CLVS1: variants seen among roughly 807,000 people sequenced by gnomAD.
CLVS1 encodes the protein clavesin 1, also known as clavesin-1.
A neutral mutation model predicts 33.1 loss-of-function variants in CLVS1; 10 were observed. The observed-to-expected ratio is 0.30, with a 90% CI of 0.19 to 0.51. The LOEUF (loss-of-function observed/expected upper bound fraction) is 0.51, where lower values mean the gene tolerates loss of function less well. CLVS1 is among the 20% of genes least tolerant of loss of function. CLVS1 has a pLI of 0.97. For synonymous variants in CLVS1, 163 were observed against 166.1 expected (o/e 0.98, Z 0.14); for missense variants, 343 against 433.4 (o/e 0.79, Z 1.85).
At chr8:61,161,343 T>C (rs936901716) in intron 2 of CLVS1, among the ~76,000 whole-genome samples, 1 of 152,202 alleles carries the variant, frequency 6.6e-6, no homozygotes, top group African/African-American at 2.4e-5. Context: ...GAAATCAGTA[T>C]GTAAAGAGAC....
At chr8:61,290,458 T>C (rs1352069091) in intron 1 of CLVS1, among the ~76,000 whole-genome samples, 4 of 152,232 alleles carry the variant, frequency 2.6e-5, no homozygotes, top group Admixed American at 6.5e-5. Flanking sequence ...TGTCATCATA[T>C]ATTTTTGTAG....
At chr8:61,004,613 G>A in the CLVS1 span, among the ~76,000 whole-genome samples, 1 of 152,198 alleles carries the variant, frequency 6.6e-6, no homozygotes, top group African/African-American at 2.4e-5. Flanking sequence ...TCTGCAGAAG[G>A]GCAGGCTCAG....
chr8:61,090,612 T>C (rs1448914377), intron 1 of CLVS1, among the ~76,000 whole-genome samples: 1 of 152,084 alleles, frequency 6.6e-6, no homozygotes, highest in African/African-American at 2.4e-5. Flanking sequence ...TGCAATGGAG[T>C]TTGCCTGGTT....
chr8:61,104,802 C>G (rs1214521975), intron 1 of CLVS1, among the ~76,000 whole-genome samples: 1 of 152,130 alleles, frequency 6.6e-6, no homozygotes, highest in Non-Finnish European at 1.5e-5. Flanking sequence ...CACTGTGTAC[C>G]ACTGTGCTGG....
Position 61,431,513 on chromosome 8 carries a change from T to C in CLVS1, c.631-22628T>C, listed in dbSNP as rs73685017. Among the ~76,000 whole-genome samples the C allele has an allele frequency of 7.6e-3, 1,162 of 152,334 alleles. 18 individuals are homozygous for C. The highest frequency in any genetic ancestry group is 0.027 in the African/African-American group (1,117 of 41,586). On this transcript the variant is annotated intron_variant, in intron 3 of 5. Transcript: ENST00000325897. The stretch of plus-strand genomic sequence containing the variant: ...ATGGCGGCATGGCTGACTGACCACA[T>C]AGCTACCTGCTACCTAGCCAGCTTT...
intron 5 of CLVS1, among the ~76,000 whole-genome samples, chr8:61,477,362 T>A (rs1156330839): frequency 6.6e-6 from 1 of 152,222 alleles, no homozygotes; most frequent in African/African-American, 2.4e-5. Context: ...TGGAATAGTT[T>A]CAGAAGGAAT....
chr8:60,984,350 C>G, the CLVS1 span, among the ~76,000 whole-genome samples: 1 of 149,442 alleles, frequency 6.7e-6, no homozygotes, highest in Non-Finnish European at 1.5e-5. Context: ...GACAGAATTC[C>G]GCTTTTGTCA....
intron 1 of CLVS1, among the ~76,000 whole-genome samples, chr8:61,291,319 A>G (rs1809982802): frequency 6.6e-6 from 1 of 152,158 alleles, no homozygotes. Flanking sequence ...ATTTCTCCAC[A>G]TGTGTTTGAG....
At chr8:61,371,701 A>C (rs1238697944) in intron 2 of CLVS1, among the ~76,000 whole-genome samples, 8 of 152,206 alleles carry the variant, frequency 5.3e-5, no homozygotes, top group Admixed American at 5.2e-4. Context: ...ATACTTTCTC[A>C]TTGGTAAGAA....
intron 3 of CLVS1, among the ~76,000 whole-genome samples, chr8:61,444,177 G>A (rs994741270): frequency 4.6e-5 from 7 of 152,022 alleles, no homozygotes; most frequent in African/African-American, 9.7e-5. Context: ...TCTGCAAATC[G>A]AGACAGCTAT....
intron 2 of CLVS1, among the ~76,000 whole-genome samples, chr8:61,274,316 G>T (rs535858507): frequency 6.6e-6 from 1 of 152,026 alleles, no homozygotes; most frequent in East Asian, 1.9e-4. Flanking sequence ...ATATTTCTTT[G>T]ACTTTTTATA....
intron 3 of CLVS1, among the ~76,000 whole-genome samples, chr8:61,440,121 T>G (rs1816484267): frequency 6.6e-6 from 1 of 152,224 alleles, no homozygotes; most frequent in African/African-American, 2.4e-5. Flanking sequence ...TCTCTCTCAC[T>G]AGTAGATGAA....
At chr8:61,046,363 C>T in the CLVS1 span, among the ~76,000 whole-genome samples, 1 of 144,826 alleles carries the variant, frequency 6.9e-6, no homozygotes, top group African/African-American at 2.7e-5. Context: ...TGTTTTGGTA[C>T]CAGTACCATG....
chr8:61,234,892 G>A (rs1031607768), intron 2 of CLVS1, among the ~76,000 whole-genome samples: 3 of 152,130 alleles, frequency 2.0e-5, no homozygotes, highest in African/African-American at 7.2e-5. Context: ...GGACAGAATG[G>A]CTGCTATGGT....
chr8:61,341,767 C>T (rs1812037757), intron 2 of CLVS1, among the ~76,000 whole-genome samples: 1 of 152,162 alleles, frequency 6.6e-6, no homozygotes, highest in Non-Finnish European at 1.5e-5. Context: ...CAGGGTTGTA[C>T]TAACAGATTG....
Position 61,231,699 on chromosome 8 carries a change from A to G in CLVS1, c.-151-67978A>G, listed in dbSNP as rs1331940783. Reference sequence around the variant, plus strand: ...ACCTGGAAACTTGCCGGAAATACGAATCCTCAGGCCCTGTCCCAGACAACA... The same window carrying G: ...ACCTGGAAACTTGCCGGAAATACGAGTCCTCAGGCCCTGTCCCAGACAACA... On this transcript the variant is annotated intron_variant, in intron 2 of 2. Transcript: ENST00000522621. Among the ~76,000 whole-genome samples, 3 of 152,238 alleles carry G rather than the reference A, an allele frequency of 2.0e-5. 1 individual carries two copies. Among genetic ancestry groups the G allele is most frequent in the Non-Finnish European group, 4.4e-5 (3 of 68,044 alleles).
chr8:61,203,173 G>A (rs747159886), intron 2 of CLVS1: 2 of 1,139,204 alleles, frequency 1.8e-6, no homozygotes, highest in Non-Finnish European at 2.6e-6. Flanking sequence ...ATTGCTTCCG[G>A]ATGACTGACC....
intron 1 of CLVS1, among the ~76,000 whole-genome samples, chr8:61,291,831 T>G (rs888316172): frequency 5.3e-5 from 8 of 152,176 alleles, no homozygotes; most frequent in African/African-American, 1.9e-4. Context: ...GAACACATTG[T>G]GGGTACTTTT....
At chr8:61,083,722 A>G (rs1805068348) in intron 1 of CLVS1, among the ~76,000 whole-genome samples, 1 of 152,186 alleles carries the variant, frequency 6.6e-6, no homozygotes, top group Non-Finnish European at 1.5e-5. Context: ...ATATAGATCT[A>G]TGAAACCTGA....
Sources: gnomAD v4.1 joint callset for allele counts (sites outside exome capture counted in the v4.1 genomes callset) on GRCh38, gnomAD v4.1.1 for gene constraint, MANE v1.5 for transcripts, NCBI Gene and HGNC (gene_info 2026-07-23, HGNC 2026-07-21) for gene names.